The following JHY variants were observed in gnomAD, a reference collection of about 807,000 sequenced individuals.
The protein encoded by JHY is jhy protein homolog.
JHY carries 69 observed loss-of-function variants against 78.0 expected under a neutral mutation model. The ratio of observed to expected loss-of-function variants is 0.88; its 90% CI spans 0.73 to 1.08. The LOEUF (loss-of-function observed/expected upper bound fraction) is 1.08, where lower values mean the gene tolerates loss of function less well. JHY is among the 50% of genes least tolerant of loss of function. The probability of loss-of-function intolerance (pLI) is 0.00; values close to 1 mark genes in which losing one functional copy is unlikely to be tolerated. For missense variants in JHY, 944 were observed against 927.8 expected (o/e 1.02, Z -0.23); for synonymous variants, 368 against 342.6 (o/e 1.07, Z -0.82).
intron 2 of JHY, among the ~76,000 whole-genome samples, chr11:122,895,813 C>T (rs922276080): frequency 6.6e-6 from 1 of 152,156 alleles, no homozygotes; most frequent in Non-Finnish European, 1.5e-5. Flanking sequence ...TTGACCTGGA[C>T]CACAAAACAC....
At chr11:122,930,953 A>G (rs552386178) in intron 4 of JHY, among the ~76,000 whole-genome samples, 23 of 152,226 alleles carry the variant, frequency 1.5e-4, no homozygotes, top group Admixed American at 7.2e-4. Context: ...GGCAGTTTCT[A>G]TGTCTGGTGA....
At chr11:122,909,090 G>A (rs1863056425) in intron 3 of JHY, among the ~76,000 whole-genome samples, 1 of 152,074 alleles carries the variant, frequency 6.6e-6, no homozygotes, top group Admixed American at 6.6e-5. Context: ...ACAAAGAAAA[G>A]TTAATATATA....
At position 122,919,376 on chromosome 11, in the gene JHY, A is replaced by AG. The variant is rs1555053371; in HGVS notation, c.865-5520dup. On this transcript the variant is annotated intron_variant, in intron 3 of 8. Coordinates refer to ENST00000227349, the MANE Select transcript of JHY (RefSeq NM_024806.4). ...TCAAAAAAAAAAAAAAAAAAAAAAA[A>AG]GAAGTGAAGGGGCAAAGAAATTCCC... Among the ~76,000 whole-genome samples, 872 of 136,846 alleles carry AG rather than the reference A, an allele frequency of 6.4e-3. 21 individuals carry two copies. Among genetic ancestry groups the AG allele is most frequent in the South Asian group, 0.014 (61 of 4,232 alleles). 89.8% of individuals were successfully genotyped at this position (136,846 alleles called of 152,430 possible).
At chr11:122,897,591 T>TTAAAC (rs1203156202) in intron 2 of JHY, among the ~76,000 whole-genome samples, 1 of 152,212 alleles carries the variant, frequency 6.6e-6, no homozygotes, top group East Asian at 1.9e-4. Context: ...GTTAAATAAC[T>TTAAAC]TGCCCACATT....
chr11:122,928,877 T>G (rs1863572722), intron 4 of JHY, among the ~76,000 whole-genome samples: 1 of 152,134 alleles, frequency 6.6e-6, no homozygotes, highest in Non-Finnish European at 1.5e-5. Context: ...CTTGATCTCC[T>G]GACCTCGTGA....
rs972419952 is a variant in JHY, at chr11:122,960,988, T to C, written c.*1543T>C. 2 of 838,014 alleles carry C rather than the reference T, an allele frequency of 2.4e-6. No individual in the cohort carries two copies. The highest frequency in any genetic ancestry group is 3.3e-5 in the African/African-American group (2 of 59,746). The allele number at this position is 838,014 out of a possible 1,614,324, so 51.9% of individuals were successfully genotyped here. A position where few individuals can be genotyped will look rare whatever the true frequency, so the allele number is the denominator to read the frequency against. ...GAACAAGAGCACATGATAAATTGGGTGCAGAGCATCTCTGCACAACAGGAA... is the reference window on the plus strand; with the variant it reads ...GAACAAGAGCACATGATAAATTGGGCGCAGAGCATCTCTGCACAACAGGAA... On this transcript the variant is annotated 3_prime_UTR_variant, in exon 9 of 9. Coordinates refer to ENST00000227349, the MANE Select transcript of JHY (RefSeq NM_024806.4).
intron 3 of JHY, among the ~76,000 whole-genome samples, chr11:122,921,698 T>G (rs758832320): frequency 2.0e-5 from 3 of 152,100 alleles, no homozygotes; most frequent in Non-Finnish European, 4.4e-5. Flanking sequence ...AGATAGAAAA[T>G]ATGATAAATA....
At chr11:122,904,671 G>A (rs1325018879) in intron 3 of JHY, among the ~76,000 whole-genome samples, 1 of 152,130 alleles carries the variant, frequency 6.6e-6, no homozygotes, top group Non-Finnish European at 1.5e-5. Flanking sequence ...GCTACAAGTC[G>A]ATTATTGCTA....
At chr11:122,953,558 C>T (rs1864135898) in intron 6 of JHY, among the ~76,000 whole-genome samples, 1 of 147,432 alleles carries the variant, frequency 6.8e-6, no homozygotes, top group African/African-American at 2.5e-5. Flanking sequence ...GCCGAGATTG[C>T]ACCATTGTAC....
rs529450341 is a variant in JHY, at chr11:122,910,961, A to T, written c.864+6517A>T. Among the ~76,000 whole-genome samples, 8 of 152,300 alleles carry T rather than the reference A, an allele frequency of 5.3e-5. No homozygotes were observed. In the South Asian group the frequency reaches 1.0e-3, roughly 20 times the overall value. ...TGTGAAGCGAGGAACCGATGTAAAA[A>T]CCAACACACACTAGAGGGCACCTAA... On this transcript the variant is annotated intron_variant, in intron 3 of 8. Coordinates refer to ENST00000227349, the MANE Select transcript of JHY (RefSeq NM_024806.4).
Position 122,958,127 on chromosome 11 carries a change from A to G in JHY, c.2139+636A>G, listed in dbSNP as rs530739024. 2.0e-3 allele frequency among the ~76,000 whole-genome samples: 307 copies of G among 152,294 alleles called. 1 individual carries two copies. The highest frequency in any genetic ancestry group is 7.1e-3 in the African/African-American group (294 of 41,546). On this transcript the variant is annotated intron_variant, in intron 8 of 8. Coordinates refer to ENST00000227349, the MANE Select transcript of JHY (RefSeq NM_024806.4). ...TAGGTTCCTCTATTGAAGAAAAATG[A>G]TTTCATGGAATACAGAATGTTCTCC...
At position 122,937,282 on chromosome 11, in the gene JHY, C is replaced by A. The variant is rs1230745828; in HGVS notation, c.1634+2207C>A. Among the ~76,000 whole-genome samples, 6 of 146,520 alleles carry A rather than the reference C, an allele frequency of 4.1e-5. No individual in the cohort carries two copies. The Admixed American group carries it at 4.1e-4, about 10-fold the overall frequency. ...TAATTTTTTTGGCAGCCTCAACCTC[C>A]TGGGCTTCTTTTGCTTAATTCTCTC... On this transcript the variant is annotated intron_variant, in intron 5 of 8. Transcript: ENST00000227349.
chr11:122,926,587 C>T (rs1315718955), intron 4 of JHY, among the ~76,000 whole-genome samples: 1 of 152,172 alleles, frequency 6.6e-6, no homozygotes, highest in Non-Finnish European at 1.5e-5. Context: ...GAGAGGATGG[C>T]GACTGAAATG....
intron 6 of JHY, among the ~76,000 whole-genome samples, chr11:122,948,835 C>T (rs1000366646): frequency 1.4e-4 from 22 of 151,838 alleles, no homozygotes; most frequent in Non-Finnish European, 2.4e-4. Context: ...CCTGTAATCC[C>T]AGCACTTTGG....
chr11:122,931,027 A>T (rs1591388731), intron 4 of JHY, among the ~76,000 whole-genome samples: 1 of 151,556 alleles, frequency 6.6e-6, no homozygotes, highest in Admixed American at 6.6e-5. Context: ...GGAGGGGGGG[A>T]ATGAGCTTCC....
intron 3 of JHY, among the ~76,000 whole-genome samples, chr11:122,912,432 C>T (rs1863151359): frequency 6.6e-6 from 1 of 152,058 alleles, no homozygotes; most frequent in Non-Finnish European, 1.5e-5. Context: ...TTGGTTGGCC[C>T]CATCCCTGGT....
Position 122,934,741 on chromosome 11 carries a change from A to C in JHY, c.1300A>C (p.Asn434His). The C allele has an allele frequency of 6.2e-7, 1 of 1,614,206 alleles. No individual in the cohort carries two copies. The highest frequency in any genetic ancestry group is 8.5e-7 in the Non-Finnish European group (1 of 1,180,022). ...AGCCTCAAGGGCACTTAGAAGCCAC[A>C]ATCTCAAAGAAACCTCCAATACATT... ...VQASRALRSH[N>H]LKETSNTFAP... Residue 434 changes from asparagine to histidine, a missense_variant, in exon 5 of 9, where the codon AAT becomes CAT. Coordinates refer to ENST00000227349, the MANE Select transcript of JHY (RefSeq NM_024806.4).
intron 2 of JHY, among the ~76,000 whole-genome samples, chr11:122,894,215 G>A (rs149186130): frequency 0.016 from 2,378 of 152,066 alleles, 63 homozygotes; most frequent in African/African-American, 0.054. Flanking sequence ...GCTTAGGCAT[G>A]GGAATCGCTT....
Position 122,935,182 on chromosome 11 carries a change from G to A in JHY, c.1634+107G>A. The A allele has an allele frequency of 9.7e-7, 1 of 1,029,872 alleles. No homozygotes were observed. Among genetic ancestry groups the A allele is most frequent in the Non-Finnish European group, 1.4e-6 (1 of 728,592 alleles). 63.8% of individuals were successfully genotyped at this position (1,029,872 alleles called of 1,614,324 possible). A position where few individuals can be genotyped will look rare whatever the true frequency, so the allele number is the denominator to read the frequency against. Reference sequence around the variant, plus strand: ...AGGGGAATCCATAAGGTGGCTAGGTGAGAAGAAGAGTTCACCTAACAACTT... The same window carrying A: ...AGGGGAATCCATAAGGTGGCTAGGTAAGAAGAAGAGTTCACCTAACAACTT... On this transcript the variant is annotated intron_variant, in intron 5 of 8. Transcript: ENST00000227349. This position sits in a 1 kb window ranked among gnomAD's most constrained non-coding sequence, Gnocchi z 4.5.
Sources: gnomAD v4.1 joint callset for allele counts (sites outside exome capture counted in the v4.1 genomes callset) on GRCh38, gnomAD v4.1.1 for gene constraint, Gnocchi (gnomAD v3.1) non-coding constraint, MANE v1.5 for transcripts, NCBI Gene and HGNC (gene_info 2026-07-23, HGNC 2026-07-21) for gene names.